The following ZNF599 variants were observed in gnomAD, a reference collection of about 807,000 sequenced individuals.
The protein encoded by ZNF599 is zinc finger protein 599.
Under a neutral mutation model 11.7 loss-of-function variants are expected in ZNF599, and 10 were observed. The ratio of observed to expected loss-of-function variants is 0.86; its 90% CI spans 0.53 to 1.45. The LOEUF (loss-of-function observed/expected upper bound fraction) is 1.45, where lower values mean the gene tolerates loss of function less well. Ranked by LOEUF, ZNF599 falls within the 40% of genes most tolerant of loss-of-function variation. The probability of loss-of-function intolerance (pLI) is 0.00; values close to 1 mark genes in which losing one functional copy is unlikely to be tolerated. For missense variants in ZNF599, 688 were observed against 713.6 expected, an observed-to-expected ratio of 0.96 and a Z score of 0.41; for synonymous variants, 232 against 253.2, an observed-to-expected ratio of 0.92 and a Z score of 0.79.
chr19:34,801,515 CTT>C, the ZNF599 span, among the ~76,000 whole-genome samples: 1 of 152,228 alleles, frequency 6.6e-6, no homozygotes, highest in Non-Finnish European at 1.5e-5. Context: ...AATTTGGACT[CTT>C]TGGTGTTTGA....
chr19:34,789,358 G>C, the ZNF599 span, among the ~76,000 whole-genome samples: 2 of 152,030 alleles, frequency 1.3e-5, no homozygotes, highest in African/African-American at 4.8e-5. Context: ...AATTTCCTTT[G>C]TGTCTATGTC....
In ZNF599 at chr19:34,773,090, G is replaced by A. The variant is rs940681722; in HGVS notation, c.-249C>T. 2 of 493,938 alleles carry A rather than the reference G, an allele frequency of 4.0e-6. No homozygotes were observed. The highest frequency in any genetic ancestry group is 2.0e-5 in the African/African-American group (1 of 48,990). 30.6% of individuals were successfully genotyped at this position (493,938 alleles called of 1,614,324 possible). ...GGCTGACATAAAAGCGTGTAAGTGGGTCCTATCCTCCTCACTGTCCGTCTC... is the reference window on the plus strand; with the variant it reads ...GGCTGACATAAAAGCGTGTAAGTGGATCCTATCCTCCTCACTGTCCGTCTC... On this transcript the variant is annotated 5_prime_UTR_variant, in exon 1 of 4. Coordinates refer to ENST00000329285, the MANE Select transcript of ZNF599 (RefSeq NM_001007248.3).
chr19:34,799,191 C>T, the ZNF599 span, among the ~76,000 whole-genome samples: 12 of 152,128 alleles, frequency 7.9e-5, no homozygotes, highest in South Asian at 2.1e-4. Flanking sequence ...TTTGTAGAGA[C>T]GGGGTTTTGC....
At chr19:34,798,060 C>T in the ZNF599 span, among the ~76,000 whole-genome samples, 2 of 152,144 alleles carry the variant, frequency 1.3e-5, no homozygotes, top group East Asian at 1.9e-4. Context: ...GACTCCACGT[C>T]GGTTTATAGG....
At chr19:34,790,983 T>G in the ZNF599 span, among the ~76,000 whole-genome samples, 1,421 of 152,322 alleles carry the variant, frequency 9.3e-3, 30 homozygotes, top group African/African-American at 0.033. Flanking sequence ...CCAATACAAA[T>G]AGCTAAGTCT....
chr19:34,788,937 T>C, the ZNF599 span, among the ~76,000 whole-genome samples: 5 of 152,230 alleles, frequency 3.3e-5, no homozygotes, highest in Non-Finnish European at 7.3e-5. Flanking sequence ...CACACAGTTA[T>C]CATTTTGTAA....
At chr19:34,784,448 G>A in the ZNF599 span, among the ~76,000 whole-genome samples, 1 of 152,124 alleles carries the variant, frequency 6.6e-6, no homozygotes, top group Non-Finnish European at 1.5e-5. Context: ...CATATATTTT[G>A]GGGGGAATAC....
Position 34,760,366 on chromosome 19 carries a change from T to C in ZNF599, c.435A>G (p.Ile145Met), listed in dbSNP as rs754777757. ...GTTTATAACTCAACTTCTCAGGGCA[T>C]ATCTCTTTGTGGGGGTTTGTTCCTG... ...LRPGTNPHKE[I>M]CPEKLSYKHD... Residue 145 changes from isoleucine to methionine, a missense_variant, in exon 4 of 4, where the codon ATA becomes ATG. By Grantham distance (10) the Ile-to-Met change is conservative. Coordinates refer to ENST00000329285, the MANE Select transcript of ZNF599 (RefSeq NM_001007248.3). The C allele has an allele frequency of 1.9e-6, 3 of 1,614,156 alleles. No homozygotes were observed. The highest frequency in any genetic ancestry group is 2.2e-5 in the East Asian group (1 of 44,876).
At chr19:34,764,376 T>G (rs2069129897) in intron 3 of ZNF599, 1 of 152,238 alleles carries the variant, frequency 6.6e-6, no homozygotes, top group Non-Finnish European at 1.5e-5. Flanking sequence ...TGGTTTCGAT[T>G]AAAGCTAATC....
upstream of ZNF599, among the ~76,000 whole-genome samples, chr19:34,774,988 G>A (rs1413269791): frequency 3.3e-5 from 5 of 152,168 alleles, no homozygotes; most frequent in African/African-American, 9.7e-5. Flanking sequence ...GTTTAAAAGT[G>A]TGTGGCATCT....
the ZNF599 span, among the ~76,000 whole-genome samples, chr19:34,798,357 C>T: frequency 6.6e-6 from 1 of 152,188 alleles, no homozygotes; most frequent in Admixed American, 6.5e-5. Flanking sequence ...ACTAACCATG[C>T]ATATGCCATC....
At chr19:34,792,788 A>G in the ZNF599 span, among the ~76,000 whole-genome samples, 48 of 152,164 alleles carry the variant, frequency 3.2e-4, no homozygotes, top group African/African-American at 8.7e-4. Context: ...GCATGAACCC[A>G]GGAGACGGAG....
intron 3 of ZNF599, among the ~76,000 whole-genome samples, chr19:34,762,151 G>A (rs2069117290): frequency 6.6e-6 from 1 of 152,124 alleles, no homozygotes; most frequent in Non-Finnish European, 1.5e-5. Flanking sequence ...CAGAATTATG[G>A]TTGGGAACTT....
upstream of ZNF599, among the ~76,000 whole-genome samples, chr19:34,777,470 TATTA>T (rs911745811): frequency 1.1e-3 from 108 of 102,330 alleles, 3 homozygotes; most frequent in African/African-American, 3.8e-3. Context: ...ATATATTATA[TATTA>T]ATTAATATAT....
chr19:34,791,370 C>T, the ZNF599 span, among the ~76,000 whole-genome samples: 1 of 152,170 alleles, frequency 6.6e-6, no homozygotes, highest in African/African-American at 2.4e-5. Flanking sequence ...TTTCTTATTC[C>T]CTGAATAACT....
intron 3 of ZNF599, among the ~76,000 whole-genome samples, chr19:34,765,828 G>A (rs576751357): frequency 6.6e-6 from 1 of 152,288 alleles, no homozygotes; most frequent in African/African-American, 2.4e-5. Context: ...AGAGCACATG[G>A]GGGAAAACAG....
Position 34,773,023 on chromosome 19 carries a change from C to T in ZNF599, c.-182G>A. 1.5e-6 allele frequency: 1 copy of T among 686,196 alleles called. No homozygotes were observed. The highest frequency in any genetic ancestry group is 2.3e-6 in the Non-Finnish European group (1 of 440,928). The allele number at this position is 686,196 out of a possible 1,614,324, so 42.5% of individuals were successfully genotyped here. On this transcript the variant is annotated 5_prime_UTR_variant, in exon 1 of 4. Coordinates refer to ENST00000329285, the MANE Select transcript of ZNF599 (RefSeq NM_001007248.3). ...TGAGGACACAGGGCTGTCGCCAAGG[C>T]CCCAGGAAGGGTTTTGCAGACGCTT...
chr19:34,768,975 T>A (rs1600158759), intron 2 of ZNF599, among the ~76,000 whole-genome samples: 1 of 152,206 alleles, frequency 6.6e-6, no homozygotes, highest in East Asian at 1.9e-4. Context: ...ACTGTGCAGG[T>A]GCTAGGAGCC....
chr19:34,793,442 A>G, the ZNF599 span, among the ~76,000 whole-genome samples: 1 of 152,216 alleles, frequency 6.6e-6, no homozygotes, highest in Non-Finnish European at 1.5e-5. Context: ...CTATTCTTTA[A>G]GTTGACACAC....
Sources: gnomAD v4.1 joint callset for allele counts (sites outside exome capture counted in the v4.1 genomes callset) on GRCh38, gnomAD v4.1.1 for gene constraint, MANE v1.5 for transcripts, NCBI Gene and HGNC (gene_info 2026-07-23, HGNC 2026-07-21) for gene names.